Variants in SLC1A2 observed in about 807,000 individuals in gnomAD.
The protein encoded by SLC1A2 is excitatory amino acid transporter 2.
In SLC1A2, 15 loss-of-function variants were observed where a neutral mutation model predicts 48.8. That is an observed-to-expected ratio of 0.31 (90% CI 0.21 to 0.47). The LOEUF is 0.47. SLC1A2 is among the 20% of genes least tolerant of loss of function. The pLI is 0.99. For synonymous variants in SLC1A2, 279 were observed against 272.6 expected (o/e 1.02, Z -0.23); for missense variants, 502 against 730.5 (o/e 0.69, Z 3.61).
chr11:35,359,234 G>A (rs995617124), intron 1 of SLC1A2, among the ~76,000 whole-genome samples: 1 of 152,180 alleles, frequency 6.6e-6, no homozygotes, highest in Non-Finnish European at 1.5e-5. Flanking sequence ...GATGGCTGAA[G>A]ACACTAACAT....
chr11:35,308,030 TC>T (rs367861363), intron 4 of SLC1A2, among the ~76,000 whole-genome samples: 11 of 152,022 alleles, frequency 7.2e-5, no homozygotes, highest in Admixed American at 4.6e-4. Context: ...AACAGCAGAG[TC>T]ATGCTCCCAG....
At chr11:35,287,349 A>G (rs1321442800) in intron 7 of SLC1A2, among the ~76,000 whole-genome samples, 1 of 152,028 alleles carries the variant, frequency 6.6e-6, no homozygotes, top group Non-Finnish European at 1.5e-5. Flanking sequence ...GCAAAATGGG[A>G]TGAGGAATTT....
In SLC1A2 at chr11:35,260,965, C is replaced by T; in HGVS notation, c.1654G>A (p.Val552Ile). Reference protein sequence around the residue: ...HNSVIVDECKVTLAANGKSAD... With the variant: ...HNSVIVDECKITLAANGKSAD... ...GACTTTCCATTGGCTGCCAGAGTTA[C>T]CTGAAAATAATTATCATCAACATCC... The change falls in exon 11 of 11, where the codon GTA becomes ATA. Residue 552 changes from valine to isoleucine, a missense_variant and splice_region_variant. Around this residue, in one of 4 missense-constraint regions of SLC1A2, gnomAD observed 102 missense variants for 107.2 expected, o/e 0.95. Coordinates refer to ENST00000278379, the MANE Select transcript of SLC1A2 (RefSeq NM_004171.4). 1 of 1,612,496 alleles carries T rather than the reference C, an allele frequency of 6.2e-7. No homozygotes were observed. The highest frequency in any genetic ancestry group is 1.3e-5 in the African/African-American group (1 of 74,986).
chr11:35,383,633 A>T (rs185460133), intron 1 of SLC1A2, among the ~76,000 whole-genome samples: 198 of 152,342 alleles, frequency 1.3e-3, no homozygotes, highest in African/African-American at 4.4e-3. Context: ...TGTTCTGAAG[A>T]TCACACAAGC....
intron 1 of SLC1A2, among the ~76,000 whole-genome samples, chr11:35,411,362 C>A (rs1855454757): frequency 6.6e-6 from 1 of 152,188 alleles, no homozygotes; most frequent in South Asian, 2.1e-4. Context: ...CACTCTTGAA[C>A]AAGTTTGTTT....
At chr11:35,337,735 T>G (rs1477662376) in intron 1 of SLC1A2, among the ~76,000 whole-genome samples, 1 of 152,178 alleles carries the variant, frequency 6.6e-6, no homozygotes, top group African/African-American at 2.4e-5. Context: ...GTGCATGTGC[T>G]GCCTCTTATC....
chr11:35,292,551 G>A, intron 6 of SLC1A2, 31 bp from the exon 7 acceptor site: 1 of 1,425,500 alleles, frequency 7.0e-7, no homozygotes, highest in Non-Finnish European at 9.9e-7. Context: ...AAACAGCATT[G>A]AAGAGATCAT....
Position 35,255,146 on chromosome 11 carries a change from G to A in SLC1A2, c.*5748C>T, listed in dbSNP as rs973078009. ...AGCTGAAGTCTTCTCTGACAACAAA[G>A]GAGTTCACAACACAACAAATACCAA... On this transcript the variant is annotated 3_prime_UTR_variant, in exon 11 of 11. Transcript: ENST00000278379. The A allele has an allele frequency of 1.6e-5, 4 of 255,678 alleles. No homozygotes were observed. The highest frequency in any genetic ancestry group is 2.3e-5 in the Non-Finnish European group (3 of 130,154). 15.8% of individuals were successfully genotyped at this position (255,678 alleles called of 1,614,324 possible). A position where few individuals can be genotyped will look rare whatever the true frequency, so the allele number is the denominator to read the frequency against.
intron 8 of SLC1A2, chr11:35,281,833 T>C (rs771078695): frequency 1.3e-5 from 2 of 152,144 alleles, no homozygotes; most frequent in African/African-American, 2.4e-5. Flanking sequence ...TGTACAAAGC[T>C]GTCATATCAA....
chr11:35,319,921 A>C (rs1852003454), intron 1 of SLC1A2, among the ~76,000 whole-genome samples: 1 of 152,244 alleles, frequency 6.6e-6, no homozygotes, highest in Non-Finnish European at 1.5e-5. Flanking sequence ...TGATGTTTGC[A>C]CATAGAAAAT....
intron 5 of SLC1A2, among the ~76,000 whole-genome samples, chr11:35,303,709 G>C (rs563328166): frequency 1.3e-5 from 2 of 152,332 alleles, no homozygotes; most frequent in African/African-American, 2.4e-5. Flanking sequence ...ATATCTATGA[G>C]AGATAGGTTT....
intron 1 of SLC1A2, among the ~76,000 whole-genome samples, chr11:35,396,999 C>A (rs1854985678): frequency 6.7e-6 from 1 of 150,256 alleles, no homozygotes; most frequent in Non-Finnish European, 1.5e-5. Flanking sequence ...TCAAGGAGAA[C>A]TACAAACCAC....
chr11:35,361,250 A>G (rs1853672054), intron 1 of SLC1A2, among the ~76,000 whole-genome samples: 1 of 152,200 alleles, frequency 6.6e-6, no homozygotes, highest in African/African-American at 2.4e-5. Flanking sequence ...CTAAGAATGT[A>G]CATTAGTTTA....
chr11:35,301,561 A>G lies in SLC1A2; in HGVS notation c.815T>C (p.Ile272Thr). Residue 272 changes from isoleucine (I) to threonine (T), a missense_variant, in exon 6 of 11, where the codon ATT becomes ACT. Around this residue, in one of 4 missense-constraint regions of SLC1A2, gnomAD observed 309 missense variants for 480.3 expected, o/e 0.64. Transcript: ENST00000278379. ...TAACTTCATTACAATCTCATTCAAA[A>G]TGTTGAAGAAATCCACCATCAGCTT... Reference protein sequence around the residue: ...QAKLMVDFFNILNEIVMKLVI... With the variant: ...QAKLMVDFFNTLNEIVMKLVI... The G allele has an allele frequency of 6.2e-7, 1 of 1,613,826 alleles. No individual in the cohort carries two copies. The highest frequency in any genetic ancestry group is 8.5e-7 in the Non-Finnish European group (1 of 1,179,790).
intron 1 of SLC1A2, among the ~76,000 whole-genome samples, chr11:35,368,693 A>C (rs1853944632): frequency 6.6e-6 from 1 of 152,220 alleles, no homozygotes; most frequent in Non-Finnish European, 1.5e-5. Context: ...CTAGCTCTGC[A>C]GGCTTGCTTA....
At chr11:35,303,239 C>G (rs1444460224) in intron 5 of SLC1A2, among the ~76,000 whole-genome samples, 1 of 152,174 alleles carries the variant, frequency 6.6e-6, no homozygotes, top group Admixed American at 6.5e-5. Context: ...AACCTCTTTA[C>G]ACCAAGCACA....
At chr11:35,277,104 A>T (rs889447171) in intron 9 of SLC1A2, among the ~76,000 whole-genome samples, 1 of 152,214 alleles carries the variant, frequency 6.6e-6, no homozygotes, top group African/African-American at 2.4e-5. Flanking sequence ...CCTTCACGAT[A>T]TAATCACCTT....
Position 35,385,526 on chromosome 11 carries a change from A to C in SLC1A2, c.17+33424T>G, listed in dbSNP as rs556784648. 2.6e-5 allele frequency among the ~76,000 whole-genome samples: 4 copies of C among 152,292 alleles called. No homozygotes were observed. The East Asian group carries it at 7.7e-4, about 29-fold the overall frequency. On this transcript the variant is annotated intron_variant, in intron 1 of 10. Coordinates refer to ENST00000278379, the MANE Select transcript of SLC1A2 (RefSeq NM_004171.4). ...CTGCAGAGGGGTCTGGGTAGCAGTC[A>C]AATGTTCTTTCTCAGAACACCTTAC...
chr11:35,261,017 A>G (rs1554988833), intron 10 of SLC1A2, 52 bp from the exon 11 acceptor site: 2 of 1,374,148 alleles, frequency 1.5e-6, no homozygotes, highest in South Asian at 2.3e-5. Context: ...ACCAGAAAAA[A>G]GCCCTGTGGG....
Sources: gnomAD v4.1 joint callset for allele counts (sites outside exome capture counted in the v4.1 genomes callset) on GRCh38, gnomAD v4.1.1 for gene constraint, gnomAD v4.1.1 regional missense constraint, MANE v1.5 for transcripts, NCBI Gene and HGNC (gene_info 2026-07-23, HGNC 2026-07-21) for gene names.